Variants in ZFYVE28 observed in about 807,000 individuals in gnomAD.
ZFYVE28 encodes the protein zinc finger FYVE-type containing 28.
Under a neutral mutation model 82.1 loss-of-function variants are expected in ZFYVE28, and 40 were observed. The ratio of observed to expected loss-of-function variants is 0.49; its 90% confidence interval spans 0.38 to 0.63. ZFYVE28 has a LOEUF of 0.63. Among genes scored for constraint, ZFYVE28 ranks in the 30% least tolerant of loss-of-function variants. The pLI, the probability that ZFYVE28 is intolerant of heterozygous loss-of-function variation, is 0.00. For missense variants in ZFYVE28, 1,321 were observed against 1,242.1 expected (o/e 1.06, Z -0.96); for synonymous variants, 612 against 546.1 (o/e 1.12, Z -1.68).
At chr4:2,412,333 G>A (rs1053674385) in intron 1 of ZFYVE28, among the ~76,000 whole-genome samples, 111 of 152,282 alleles carry the variant, frequency 7.3e-4, no homozygotes, top group African/African-American at 2.6e-3. Context: ...GTCCCCGCCT[G>A]CTTACACCAC....
chr4:2,299,882 C>T (rs1252125054), intron 8 of ZFYVE28, among the ~76,000 whole-genome samples: 2 of 151,962 alleles, frequency 1.3e-5, no homozygotes, highest in African/African-American at 4.8e-5. Flanking sequence ...CTGCAGTCTC[C>T]ACCTTCTGGG....
At position 2,335,686 on chromosome 4, in the gene ZFYVE28, G is replaced by A. The variant is rs1490418090; in HGVS notation, c.701+19C>T. 1.3e-6 allele frequency: 2 copies of A among 1,562,356 alleles called. No individual in the cohort carries two copies. Among genetic ancestry groups the A allele is most frequent in the Admixed American group, 3.8e-5 (2 of 52,150 alleles). On this transcript the variant is annotated intron_variant, in intron 6 of 12. Transcript: ENST00000290974. The surrounding 1 kb of genome is among the most constrained non-coding windows in gnomAD (Gnocchi z 5.8). ...TCCCGCAGGTTTCTGCAGAGGTCCTGGGCACAGGAGGCACTCACCACACGA... is the reference window on the plus strand; with the variant it reads ...TCCCGCAGGTTTCTGCAGAGGTCCTAGGCACAGGAGGCACTCACCACACGA...
Position 2,304,297 on chromosome 4 carries a change from C to T in ZFYVE28, c.2043G>A (p.Ser681=), listed in dbSNP as rs772981908. The change falls in exon 8 of 13, where the codon TCG becomes TCA. Residue 681 remains serine (S), a synonymous_variant. Coordinates refer to ENST00000290974, the MANE Select transcript of ZFYVE28 (RefSeq NM_020972.3). ...GCCAGACTGGCTCTTACCTGGAGCC[C>T]GACAGGGCCTGAGGCGCCTCGTGAG... The part of the protein sequence containing the change: ...PSAHEAPQAL[S]GSSSSTAGSC... The T allele has an allele frequency of 7.7e-5, 121 of 1,574,982 alleles. No homozygotes were observed. In the Middle Eastern group the frequency reaches 1.0e-3, roughly 13 times the overall value.
chr4:2,270,880 G>T (rs766415169), intron 12 of ZFYVE28, 24 bp from the exon 13 acceptor site: 3 of 1,610,762 alleles, frequency 1.9e-6, no homozygotes, highest in Non-Finnish European at 8.5e-7. Flanking sequence ...GGGGCAGTGA[G>T]GGTCTGCGGC....
At chr4:2,294,050 A>C (rs1233219145) in intron 8 of ZFYVE28, among the ~76,000 whole-genome samples, 2 of 151,660 alleles carry the variant, frequency 1.3e-5, no homozygotes, top group East Asian at 3.9e-4. Flanking sequence ...GATTCTACAT[A>C]ATCCCAATCA....
At chr4:2,364,899 G>T in intron 1 of ZFYVE28, 1 of 985,546 alleles carries the variant, frequency 1.0e-6, no homozygotes. Flanking sequence ...CGGAAGAGGC[G>T]GCGCGGAGGG....
At chr4:2,387,434 G>A (rs1179853609) in intron 1 of ZFYVE28, among the ~76,000 whole-genome samples, 4 of 152,244 alleles carry the variant, frequency 2.6e-5, no homozygotes, top group Admixed American at 6.5e-5. Flanking sequence ...CCAGGCGAAC[G>A]TGACGTCCTT....
At chr4:2,276,991 T>C (rs115691785) in intron 8 of ZFYVE28, among the ~76,000 whole-genome samples, 9,494 of 150,670 alleles carry the variant, frequency 0.063, 891 homozygotes, top group African/African-American at 0.2. Context: ...AAATTAAAAA[T>C]ATAAAAAAAA....
At position 2,339,619 on chromosome 4, in the gene ZFYVE28, G is replaced by C. The variant is rs769084312; in HGVS notation, c.355C>G (p.Leu119Val). Residue 119 changes from leucine to valine, a missense_variant, in exon 4 of 13, where the codon CTG (leucine) becomes GTG (valine). By Grantham distance (32) the Leu-to-Val change is conservative. Transcript: ENST00000290974. This position sits in a 1 kb window ranked among gnomAD's most constrained non-coding sequence, Gnocchi z 5.0. ...AAGSIIMNRE[L>V]ESMAMRPLAK... ...AGCGGGCGCATGGCCATGCTCTCCA[G>C]CTCCCGGTTCATGATGATGGAGCCG... The C allele has an allele frequency of 1.9e-6, 3 of 1,610,078 alleles. No individual in the cohort carries two copies. Among genetic ancestry groups the C allele is most frequent in the African/African-American group, 1.3e-5 (1 of 74,848 alleles).
chr4:2,358,177 C>A (rs1434065849), intron 1 of ZFYVE28, among the ~76,000 whole-genome samples: 1 of 152,220 alleles, frequency 6.6e-6, no homozygotes, highest in Non-Finnish European at 1.5e-5. Flanking sequence ...CATGTACACA[C>A]ATGCACCTGT....
At chr4:2,308,012 G>A (rs975772507) in intron 7 of ZFYVE28, among the ~76,000 whole-genome samples, 2 of 152,280 alleles carry the variant, frequency 1.3e-5, no homozygotes, top group Admixed American at 1.3e-4. Context: ...ATATGCATTG[G>A]TCTGTTCTAG....
chr4:2,365,343 C>T (rs964434776), intron 1 of ZFYVE28, among the ~76,000 whole-genome samples: 14 of 151,520 alleles, frequency 9.2e-5, no homozygotes, highest in African/African-American at 3.4e-4. Flanking sequence ...CCTCTGGGCC[C>T]GCACGTGCAC....
At chr4:2,316,914 G>A (rs796319186) in intron 7 of ZFYVE28, among the ~76,000 whole-genome samples, 2 of 151,532 alleles carry the variant, frequency 1.3e-5, no homozygotes, top group Non-Finnish European at 2.9e-5. Context: ...GGATGGTCTC[G>A]ATCTCCTGAC....
intron 1 of ZFYVE28, among the ~76,000 whole-genome samples, chr4:2,367,377 G>A (rs1019170500): frequency 5.9e-5 from 9 of 152,366 alleles, no homozygotes; most frequent in African/African-American, 9.6e-5. Flanking sequence ...CAAGCCCCCC[G>A]TTGCAGGGGC....
intron 1 of ZFYVE28, among the ~76,000 whole-genome samples, chr4:2,412,125 G>T (rs559092971): frequency 6.6e-6 from 1 of 152,150 alleles, no homozygotes; most frequent in Non-Finnish European, 1.5e-5. Flanking sequence ...TGCCTGAGGC[G>T]TACTAAGTCA....
intron 2 of ZFYVE28, among the ~76,000 whole-genome samples, chr4:2,346,341 C>CA (rs533714412): frequency 0.2 from 19,021 of 95,120 alleles, 1,664 homozygotes; most frequent in African/African-American, 0.33. Flanking sequence ...GACTCCATCT[C>CA]AAAAAAAAAA....
intron 2 of ZFYVE28, among the ~76,000 whole-genome samples, chr4:2,350,585 G>T (rs1035341429): frequency 6.6e-6 from 1 of 152,182 alleles, no homozygotes; most frequent in Non-Finnish European, 1.5e-5. Flanking sequence ...GGAGTTCACT[G>T]GTGGCTGGGG....
At position 2,320,360 on chromosome 4, in the gene ZFYVE28, C is replaced by T. The variant is rs533403782; in HGVS notation, c.702-89G>A. On this transcript the variant is annotated intron_variant, in intron 6 of 12. Coordinates refer to ENST00000290974, the MANE Select transcript of ZFYVE28 (RefSeq NM_020972.3). The surrounding 1 kb of genome is among the most constrained non-coding windows in gnomAD (Gnocchi z 5.1). The stretch of plus-strand genomic sequence containing the variant: ...CCAACTTAACCACCTGCGAAAACCA[C>T]GCCCGCTGGGACTCTGCAGCGCCAC... 1.5e-5 allele frequency: 18 copies of T among 1,180,132 alleles called. No individual in the cohort carries two copies. The East Asian group carries it at 2.6e-4, about 17-fold the overall frequency. The allele number at this position is 1,180,132 out of a possible 1,614,324, so 73.1% of individuals were successfully genotyped here. A position where few individuals can be genotyped will look rare whatever the true frequency, so the allele number is the denominator to read the frequency against.
chr4:2,396,975 G>T (rs938039117), intron 1 of ZFYVE28, among the ~76,000 whole-genome samples: 5 of 152,178 alleles, frequency 3.3e-5, no homozygotes, highest in Admixed American at 6.5e-5. Context: ...GAGAACAGCC[G>T]GGTGGGGCAG....
Sources: allele counts gnomAD v4.1 joint callset (sites outside exome capture counted in the v4.1 genomes callset), GRCh38; gene constraint gnomAD v4.1.1; non-coding constraint Gnocchi (gnomAD v3.1); transcripts MANE v1.5; gene names NCBI Gene and HGNC (gene_info 2026-07-23, HGNC 2026-07-21).